LIMD1: variants seen among roughly 807,000 people sequenced by gnomAD.
LIMD1 encodes the protein LIM domain containing 1, also known as LIM domain-containing protein 1.
In LIMD1, 23 loss-of-function variants were observed where a neutral mutation model predicts 58.4. The ratio of observed to expected loss-of-function variants is 0.39; its 90% CI spans 0.28 to 0.56. The LOEUF is 0.56. Ranked by LOEUF, LIMD1 falls within the 20% of genes least tolerant of loss-of-function variation. The pLI is 0.57. For missense variants in LIMD1, 838 were observed against 855.5 expected, an observed-to-expected ratio of 0.98 and a Z score of 0.25; for synonymous variants, 334 against 345.5, an observed-to-expected ratio of 0.97 and a Z score of 0.37.
Position 45,678,663 on chromosome 3 carries a change from G to C in LIMD1, c.*1604G>C, listed in dbSNP as rs1158389698. 1 of 152,196 alleles carries C rather than the reference G, an allele frequency of 6.6e-6. No individual in the cohort carries two copies. Among genetic ancestry groups the C allele is most frequent in the African/African-American group, 2.4e-5 (1 of 41,448 alleles). 9.4% of individuals were successfully genotyped at this position (152,196 alleles called of 1,614,324 possible). On this transcript the variant is annotated 3_prime_UTR_variant, in exon 8 of 8. Transcript: ENST00000273317. ...TGTGTGCACTCTGCCTCCTCACCTTGCACCCAGAGCAAGAGGACTGGGTGC... is the reference window on the plus strand; with the variant it reads ...TGTGTGCACTCTGCCTCCTCACCTTCCACCCAGAGCAAGAGGACTGGGTGC...
At chr3:45,643,464 G>A (rs1005163152) in intron 2 of LIMD1, among the ~76,000 whole-genome samples, 5 of 151,044 alleles carry the variant, frequency 3.3e-5, no homozygotes, top group African/African-American at 2.4e-5. Context: ...CATCCTGGGC[G>A]ACAGGGTGAG....
At chr3:45,673,664 C>G in intron 6 of LIMD1, 159 bp downstream of exon 6, 1 of 605,238 alleles carries the variant, frequency 1.7e-6, no homozygotes, top group South Asian at 1.7e-5. Context: ...TGTAATCCCA[C>G]CCCTTTTAGG....
chr3:45,601,949 T>A (rs1299215299), intron 1 of LIMD1, among the ~76,000 whole-genome samples: 5 of 151,280 alleles, frequency 3.3e-5, no homozygotes, highest in Admixed American at 2.6e-4. Context: ...TGGACTTTTT[T>A]TTTTTTTTTT....
At position 45,684,631 on chromosome 3, in the gene LIMD1, A is replaced by G. The variant is rs1321342732; in HGVS notation, c.*7572A>G. 2.0e-5 allele frequency: 3 copies of G among 152,176 alleles called. No individual in the cohort carries two copies. The highest frequency in any genetic ancestry group is 4.4e-5 in the Non-Finnish European group (3 of 68,034). 9.4% of individuals were successfully genotyped at this position (152,176 alleles called of 1,614,324 possible). A position where few individuals can be genotyped will look rare whatever the true frequency, so the allele number is the denominator to read the frequency against. On this transcript the variant is annotated 3_prime_UTR_variant, in exon 8 of 8. Transcript: ENST00000273317. ...AGAGGAGGGGGTTTGAAGAGGTGGT[A>G]TTTGATTTACATAGAGCCCAAGGGA...
At chr3:45,622,668 ATTT>A (rs775471185) in intron 1 of LIMD1, among the ~76,000 whole-genome samples, 1 of 140,512 alleles carries the variant, frequency 7.1e-6, no homozygotes. Flanking sequence ...TTTTAAAGGA[ATTT>A]TTTTTTTTTT....
intron 2 of LIMD1, among the ~76,000 whole-genome samples, chr3:45,642,289 CCTCAGCCTCCTGA>C (rs1701850706): frequency 6.6e-6 from 1 of 152,112 alleles, no homozygotes; most frequent in Non-Finnish European, 1.5e-5. Flanking sequence ...GATCCTCCTG[CCTCAGCCTCCTGA>C]GTAGCTGGGA....
intron 7 of LIMD1, among the ~76,000 whole-genome samples, chr3:45,675,155 C>T (rs1316338530): frequency 6.6e-6 from 1 of 152,172 alleles, no homozygotes; most frequent in Non-Finnish European, 1.5e-5. Flanking sequence ...ACCCCAGGTG[C>T]CCCAGGTCAC....
chr3:45,607,613 G>A (rs4682790), intron 1 of LIMD1, among the ~76,000 whole-genome samples: 143,970 of 152,064 alleles, frequency 0.95, 68,634 homozygotes, highest in East Asian at 1. Flanking sequence ...ATTTAGCATG[G>A]GTCCTCCCTG....
In LIMD1 at chr3:45,600,334, T is replaced by C. The variant is rs76206217; in HGVS notation, c.1408+4047T>C. The stretch of plus-strand genomic sequence containing the variant: ...GGCATTTGACTTTGTGGGAAGAGCT[T>C]GTGAATCCCTGTTGCCACCTTTGTA... On this transcript the variant is annotated intron_variant, in intron 1 of 7. Transcript: ENST00000273317. 2.0e-3 allele frequency among the ~76,000 whole-genome samples: 306 copies of C among 152,270 alleles called. 1 individual carries two copies. The highest frequency in any genetic ancestry group is 6.8e-3 in the African/African-American group (284 of 41,552).
intron 2 of LIMD1, among the ~76,000 whole-genome samples, chr3:45,665,245 G>A (rs17078173): frequency 0.085 from 12,945 of 152,022 alleles, 622 homozygotes; most frequent in East Asian, 0.15. Context: ...TGGAGCATAT[G>A]TCCAAGGTGA....
At chr3:45,630,428 G>A (rs1701715755) in intron 1 of LIMD1, among the ~76,000 whole-genome samples, 1 of 152,210 alleles carries the variant, frequency 6.6e-6, no homozygotes, top group East Asian at 1.9e-4. Flanking sequence ...ATGAGTGAGA[G>A]GGAAGTGTTT....
At chr3:45,662,706 C>T (rs1307061182) in intron 2 of LIMD1, among the ~76,000 whole-genome samples, 1 of 152,110 alleles carries the variant, frequency 6.6e-6, no homozygotes, top group Admixed American at 6.6e-5. Context: ...GTTTACAGTA[C>T]TAGTTTGTGG....
intron 1 of LIMD1, among the ~76,000 whole-genome samples, chr3:45,608,839 CA>C (rs60750700): frequency 0.34 from 34,966 of 102,058 alleles, 4,711 homozygotes; most frequent in Middle Eastern, 0.47. Flanking sequence ...GACTCGGTAT[CA>C]AAAAAAAAAA....
At chr3:45,676,556 T>G (rs954791559) in intron 7 of LIMD1, among the ~76,000 whole-genome samples, 5 of 152,348 alleles carry the variant, frequency 3.3e-5, no homozygotes, top group Middle Eastern at 3.4e-3. Context: ...ATGTGGTGTT[T>G]AGTTTTCTGT....
At chr3:45,658,023 G>A (rs1697368626) in intron 2 of LIMD1, among the ~76,000 whole-genome samples, 1 of 152,214 alleles carries the variant, frequency 6.6e-6, no homozygotes, top group Admixed American at 6.5e-5. Flanking sequence ...TACAGGGTCA[G>A]AAGGTGGAGT....
chr3:45,668,064 C>G (rs1182289797), intron 3 of LIMD1, among the ~76,000 whole-genome samples: 1 of 152,082 alleles, frequency 6.6e-6, no homozygotes. Context: ...GCTGTGGGTG[C>G]CCAGACACAG....
intron 2 of LIMD1, among the ~76,000 whole-genome samples, chr3:45,650,638 T>A (rs552999225): frequency 6.6e-6 from 1 of 152,112 alleles, no homozygotes; most frequent in Non-Finnish European, 1.5e-5. Context: ...GTTTCCAGCT[T>A]CATCCATGTC....
intron 1 of LIMD1, among the ~76,000 whole-genome samples, chr3:45,625,655 A>T (rs1281872741): frequency 6.6e-6 from 1 of 152,028 alleles, no homozygotes; most frequent in Non-Finnish European, 1.5e-5. Context: ...GCCCTTGTGA[A>T]TGGATTAATA....
chr3:45,639,740 G>A (rs766332703), intron 2 of LIMD1, among the ~76,000 whole-genome samples: 2 of 152,142 alleles, frequency 1.3e-5, no homozygotes, highest in African/African-American at 2.4e-5. Flanking sequence ...TCGGCTTACC[G>A]CAACCTCCGC....
Sources: gnomAD v4.1 joint callset for allele counts (sites outside exome capture counted in the v4.1 genomes callset) on GRCh38, gnomAD v4.1.1 for gene constraint, MANE v1.5 for transcripts, NCBI Gene and HGNC (gene_info 2026-07-23, HGNC 2026-07-21) for gene names.